Variants in TYRO3 observed in about 807,000 individuals in gnomAD.
TYRO3 encodes the protein TYRO3 protein tyrosine kinase.
Under a neutral mutation model 95.2 loss-of-function variants are expected in TYRO3, and 38 were observed. That is an observed-to-expected ratio of 0.40 (90% CI 0.31 to 0.52). The LOEUF (loss-of-function observed/expected upper bound fraction) is 0.52. TYRO3 is among the 20% of genes least tolerant of loss of function. TYRO3 has a pLI of 0.56. For missense variants in TYRO3, 812 were observed against 1,116.4 expected (o/e 0.73, Z 3.89); for synonymous variants, 367 against 432.9 (o/e 0.85, Z 1.89).
intron 18 of TYRO3, among the ~76,000 whole-genome samples, chr15:41,577,112 T>C (rs1247817149): frequency 6.6e-6 from 1 of 152,070 alleles, no homozygotes; most frequent in Non-Finnish European, 1.5e-5. Context: ...TGTTTCCACA[T>C]TTGTAAATGT....
At chr15:41,565,212 C>A in intron 6 of TYRO3, 71 bp downstream of exon 6, 1 of 951,698 alleles carries the variant, frequency 1.1e-6, no homozygotes, top group Non-Finnish European at 1.7e-6. Flanking sequence ...GGATATCACA[C>A]TCACTAGCCA....
At chr15:41,568,115 C>T (rs1465706081) in intron 7 of TYRO3, 102 bp from the exon 8 acceptor site, 3 of 1,505,630 alleles carry the variant, frequency 2.0e-6, no homozygotes, top group South Asian at 1.2e-5. Flanking sequence ...GTTTGTGCCT[C>T]TCAGAGCTGT....
chr15:41,563,274 C>A (rs2055680142), intron 4 of TYRO3, among the ~76,000 whole-genome samples: 2 of 152,206 alleles, frequency 1.3e-5, no homozygotes, highest in South Asian at 4.1e-4. Context: ...CACCTGCACA[C>A]CCACCTGGGC....
chr15:41,578,089 G>C lies in TYRO3; in HGVS notation c.2486G>C (p.Ser829Thr). 6.2e-7 allele frequency: 1 copy of C among 1,614,076 alleles called. No homozygotes were observed. The highest frequency in any genetic ancestry group is 8.5e-7 in the Non-Finnish European group (1 of 1,180,034). The change falls in exon 19 of 19, where the codon AGT becomes ACT. Residue 829 changes from serine to threonine, a missense_variant. By Grantham distance (58) the Ser-to-Thr change is moderately conservative. Transcript: ENST00000263798. Reference sequence around the variant, plus strand: ...CTACCTGGCAGGGATCAGCCCTACAGTGGGGCTGGGGATGGCAGTGGCATG... The same window carrying C: ...CTACCTGGCAGGGATCAGCCCTACACTGGGGCTGGGGATGGCAGTGGCATG... Reference protein sequence around the residue: ...LELPGRDQPYSGAGDGSGMGA... With the variant: ...LELPGRDQPYTGAGDGSGMGA...
At chr15:41,569,140 TGAA>T in intron 9 of TYRO3, 118 bp downstream of exon 9, 1 of 1,253,680 alleles carries the variant, frequency 8.0e-7, no homozygotes, top group Admixed American at 2.3e-5. Flanking sequence ...ACAGACAGAG[TGAA>T]GAAGTTGAGG....
intron 14 of TYRO3, 31 bp downstream of exon 14, chr15:41,571,718 G>T (rs2055798770): frequency 7.6e-7 from 1 of 1,322,372 alleles, no homozygotes; most frequent in African/African-American, 1.5e-5. Flanking sequence ...GGCAGATAGA[G>T]AATAGGGCTA....
chr15:41,563,792 G>A (rs2055686289), intron 4 of TYRO3, among the ~76,000 whole-genome samples: 1 of 152,218 alleles, frequency 6.6e-6, no homozygotes, highest in Admixed American at 6.5e-5. Context: ...ACAACCCCAA[G>A]GGGGCACAGA....
intron 1 of TYRO3, among the ~76,000 whole-genome samples, chr15:41,559,718 A>T (rs1009375218): frequency 2.0e-5 from 3 of 151,540 alleles, no homozygotes; most frequent in African/African-American, 7.3e-5. Context: ...AGTACTGGGG[A>T]CCCCATTCTG....
At position 41,571,131 on chromosome 15, in the gene TYRO3, T is replaced by C; in HGVS notation, c.1660+13T>C. 1 of 1,383,850 alleles carries C rather than the reference T, an allele frequency of 7.2e-7. No homozygotes were observed. Among genetic ancestry groups the C allele is most frequent in the Non-Finnish European group, 1.0e-6 (1 of 970,552 alleles). 85.7% of individuals were successfully genotyped at this position (1,383,850 alleles called of 1,614,324 possible). A position where few individuals can be genotyped will look rare whatever the true frequency, so the allele number is the denominator to read the frequency against. ...AAGATGCTGAAAGGTGAGTGGGGGA[T>C]AGCTGTAGCCTGAGGGCATCACTTG... On this transcript the variant is annotated intron_variant, in intron 13 of 18. Transcript: ENST00000263798.
intron 6 of TYRO3, among the ~76,000 whole-genome samples, chr15:41,565,496 C>T (rs1195385934): frequency 6.6e-6 from 1 of 151,868 alleles, no homozygotes; most frequent in Non-Finnish European, 1.5e-5. Context: ...GCAACCTCCA[C>T]CTCCTGGGTT....
Position 41,573,466 on chromosome 15 carries a change from T to G in TYRO3, c.2144T>G (p.Val715Gly). Residue 715 changes from valine to glycine, a missense_variant and splice_region_variant, in exon 17 of 19, where the codon GTG (valine) becomes GGG (glycine). Coordinates refer to ENST00000263798, the MANE Select transcript of TYRO3 (RefSeq NM_006293.4). ...ADNLYTVQSD[V>G]WAFGVTMWEI... The stretch of plus-strand genomic sequence containing the variant: ...AACCTGTATACTGTGCAGAGTGACG[T>G]GGTGAGCAGGGTGGCCCGTGAAGCT... 1 of 1,610,234 alleles carries G rather than the reference T, an allele frequency of 6.2e-7. No individual in the cohort carries two copies. The highest frequency in any genetic ancestry group is 8.5e-7 in the Non-Finnish European group (1 of 1,177,634).
intron 7 of TYRO3, 48 bp downstream of exon 7, chr15:41,567,585 A>AGG (rs757627888): frequency 7.1e-7 from 1 of 1,406,484 alleles, no homozygotes; most frequent in Non-Finnish European, 9.3e-7. Context: ...GGAGCCGGGA[A>AGG]GGGGGCCGTG....
intron 13 of TYRO3, 30 bp downstream of exon 13, chr15:41,571,148 C>T (rs1371667125): frequency 2.5e-6 from 4 of 1,593,950 alleles, no homozygotes; most frequent in Non-Finnish European, 3.4e-6. Context: ...AGCCTGAGGG[C>T]ATCACTTGGA....
chr15:41,568,757 C>G, intron 8 of TYRO3, 121 bp from the exon 9 acceptor site: 1 of 1,210,114 alleles, frequency 8.3e-7, no homozygotes, highest in South Asian at 1.5e-5. Context: ...TCCTGCAGCC[C>G]CTGAACCCAC....
At chr15:41,565,521 G>T (rs1167887248) in intron 6 of TYRO3, among the ~76,000 whole-genome samples, 4 of 150,578 alleles carry the variant, frequency 2.7e-5, no homozygotes. Context: ...TGATTCTCCT[G>T]CCTCAGCCTC....
chr15:41,561,783 C>G (rs1396248559), intron 3 of TYRO3, 144 bp downstream of exon 3: 3 of 583,042 alleles, frequency 5.1e-6, no homozygotes, highest in Non-Finnish European at 8.8e-6. Flanking sequence ...TAGGCCCACT[C>G]CAGATGTCGG....
chr15:41,576,565 G>C (rs779190156), intron 18 of TYRO3, among the ~76,000 whole-genome samples: 38 of 150,812 alleles, frequency 2.5e-4, no homozygotes, highest in Non-Finnish European at 4.7e-4. Context: ...CTGACCTCAA[G>C]TGATCCACCT....
chr15:41,571,886 G>T (rs1404223179), intron 14 of TYRO3, among the ~76,000 whole-genome samples, 199 bp downstream of exon 14: 2 of 152,084 alleles, frequency 1.3e-5, no homozygotes, highest in African/African-American at 4.8e-5. Context: ...GGCTGGATGT[G>T]GTGGCTCATG....
rs368050263 is a variant in TYRO3 at position 41,563,830 on chromosome 15, C to T, written c.581-354C>T. ...AAACAGAAGGGCTCACTCTGGTATG[C>T]GCAATAAAAGAGTGACCAGAAAAGG... On this transcript the variant is annotated intron_variant, in intron 4 of 18. Transcript: ENST00000263798. Among the ~76,000 whole-genome samples the T allele has an allele frequency of 1.4e-3, 214 of 152,194 alleles. 1 individual carries two copies. Among genetic ancestry groups the T allele is most frequent in the Admixed American group, 3.9e-3 (59 of 15,292 alleles).
Sources: allele counts gnomAD v4.1 joint callset (sites outside exome capture counted in the v4.1 genomes callset), GRCh38; gene constraint gnomAD v4.1.1; transcripts MANE v1.5; gene names NCBI Gene and HGNC (gene_info 2026-07-23, HGNC 2026-07-21).